The following COQ8B variants were observed in gnomAD, a reference collection of about 807,000 sequenced individuals.
COQ8B encodes the protein coenzyme Q8B.
COQ8B carries 44 observed loss-of-function variants against 62.0 expected under a neutral mutation model. That is an observed-to-expected ratio of 0.71 (90% CI 0.56 to 0.91). The LOEUF (loss-of-function observed/expected upper bound fraction) is 0.91, where lower values mean the gene tolerates loss of function less well. COQ8B is among the 40% of genes least tolerant of loss of function. The pLI, the probability that COQ8B is intolerant of heterozygous loss-of-function variation, is 0.00. For missense variants in COQ8B, 649 were observed against 731.6 expected, an observed-to-expected ratio of 0.89 and a Z score of 1.30; for synonymous variants, 252 against 289.9, an observed-to-expected ratio of 0.87 and a Z score of 1.33.
chr19:40,700,704 T>G, intron 10 of COQ8B: 1 of 486,144 alleles, frequency 2.1e-6, no homozygotes, highest in Non-Finnish European at 3.7e-6. Flanking sequence ...CAGTCACCAC[T>G]TCCCTACCCG....
In COQ8B at chr19:40,710,143, T is replaced by G; in HGVS notation, c.290-7A>C. ...CCCAAGCCCACAGCCAGTCCTGGAGTGCAAGAGAAGAACATGAGTGCCCGT... is the reference window on the plus strand; with the variant it reads ...CCCAAGCCCACAGCCAGTCCTGGAGGGCAAGAGAAGAACATGAGTGCCCGT... On this transcript the variant is annotated splice_polypyrimidine_tract_variant and splice_region_variant and intron_variant, in intron 4 of 14. Coordinates refer to ENST00000324464, the MANE Select transcript of COQ8B (RefSeq NM_024876.4). 2 of 1,613,872 alleles carry G rather than the reference T, an allele frequency of 1.2e-6. No individual in the cohort carries two copies. Among genetic ancestry groups the G allele is most frequent in the Non-Finnish European group, 1.7e-6 (2 of 1,179,836 alleles).
chr19:40,700,094 G>T lies in COQ8B; in HGVS notation c.1116C>A (p.Asn372Lys), dbSNP rs1568438712. 2 of 1,614,268 alleles carry T rather than the reference G, an allele frequency of 1.2e-6. No individual in the cohort carries two copies. Among genetic ancestry groups the T allele is most frequent in the Admixed American group, 1.7e-5 (1 of 60,032 alleles). Residue 372 changes from asparagine to lysine, a missense_variant, in exon 12 of 15, where the codon AAC (asparagine) becomes AAA (lysine). Transcript: ENST00000324464. ...GGTGGCTGGAGGCATCATACAGGAA[G>T]TTGGCCCAGTTGGGGTCAGTCTGCA... is the stretch of plus-strand genomic sequence containing the variant. ...RFMQTDPNWANFLYDASSHQV... is the reference protein window; with the variant it reads ...RFMQTDPNWAKFLYDASSHQV...
In COQ8B at chr19:40,699,074, A is replaced by G. The variant is rs545695210; in HGVS notation, c.1143+993T>C. 1.9e-3 allele frequency among the ~76,000 whole-genome samples: 287 copies of G among 150,914 alleles called. 5 individuals are homozygous for G. Among genetic ancestry groups the G allele is most frequent in the Admixed American group, 0.018 (276 of 15,172 alleles). ...AGGGATCCTCCTGCCTCAGCATCCCAAAGTGCTGGAATTACAGGCATGAGC... is the reference window on the plus strand; with the variant it reads ...AGGGATCCTCCTGCCTCAGCATCCCGAAGTGCTGGAATTACAGGCATGAGC... On this transcript the variant is annotated intron_variant, in intron 12 of 14. Transcript: ENST00000324464.
chr19:40,703,453 G>C lies in COQ8B; in HGVS notation c.799+88C>G. On this transcript the variant is annotated intron_variant, in intron 9 of 14. Transcript: ENST00000324464. ...CTCACAACGCCAGCACACCCTGCCC[G>C]TGCTCTCCTCTGGGCTCCCCCTCCT... 6 of 1,349,372 alleles carry C rather than the reference G, an allele frequency of 4.4e-6. No homozygotes were observed. In the South Asian group the frequency reaches 7.4e-5, roughly 17 times the overall value. 83.6% of individuals were successfully genotyped at this position (1,349,372 alleles called of 1,614,324 possible).
At chr19:40,715,404 T>C (rs922840156) in intron 1 of COQ8B, 2 of 985,556 alleles carry the variant, frequency 2.0e-6, no homozygotes, top group African/African-American at 1.7e-5. Flanking sequence ...CTGACGCCTC[T>C]CTTCTGCACG....
chr19:40,710,731 A>C (rs2082134503), intron 4 of COQ8B, among the ~76,000 whole-genome samples: 1 of 152,106 alleles, frequency 6.6e-6, no homozygotes, highest in Non-Finnish European at 1.5e-5. Context: ...CGGTAAATAT[A>C]ATGCCCAGAC....
intron 13 of COQ8B, 69 bp downstream of exon 13, chr19:40,695,920 A>G (rs2082011255): frequency 6.7e-7 from 1 of 1,488,196 alleles, no homozygotes; most frequent in Admixed American, 1.7e-5. Context: ...TCGCCTTCTT[A>G]CTCCTCTGCC....
At chr19:40,699,677 A>ACTCC (rs2082046656) in intron 12 of COQ8B, among the ~76,000 whole-genome samples, 1 of 151,850 alleles carries the variant, frequency 6.6e-6, no homozygotes, top group Admixed American at 6.6e-5. Context: ...CTAGCCAGGG[A>ACTCC]CTCCATTTTC....
rs374201690 is a variant in COQ8B, at chr19:40,705,082, C to T, written c.576+14G>A. 2 of 1,595,846 alleles carry T rather than the reference C, an allele frequency of 1.3e-6. No homozygotes were observed. The highest frequency in any genetic ancestry group is 2.7e-5 in the African/African-American group (2 of 74,614). ...GCCTGCCTCCCTCACCGCCCTCCCCCACTGGGCACTCACCAGCATCTGCCA... is the reference window on the plus strand; with the variant it reads ...GCCTGCCTCCCTCACCGCCCTCCCCTACTGGGCACTCACCAGCATCTGCCA... On this transcript the variant is annotated intron_variant, in intron 7 of 14. Coordinates refer to ENST00000324464, the MANE Select transcript of COQ8B (RefSeq NM_024876.4).
At position 40,703,849 on chromosome 19, in the gene COQ8B, G is replaced by T. The variant is rs1270207473; in HGVS notation, c.583C>A (p.Leu195Ile). 5.0e-6 allele frequency: 8 copies of T among 1,609,712 alleles called. No homozygotes were observed. The highest frequency in any genetic ancestry group is 2.2e-5 in the East Asian group (1 of 44,744). Residue 195 changes from leucine (L) to isoleucine (I), a missense_variant, in exon 8 of 15, where the codon CTT (leucine) becomes ATT (isoleucine). Physicochemically the swap from Leu to Ile is conservative, Grantham distance 5 (BLOSUM62 2). Transcript: ENST00000324464. ...CAGTCCCTGCCGAGCTCCTCTTCAAGAACTCTCTGCGGGGAGTGGTCACAG... is the reference window on the plus strand; with the variant it reads ...CAGTCCCTGCCGAGCTCCTCTTCAATAACTCTCTGCGGGGAGTGGTCACAG... ...FMPRWQMLRV[L>I]EEELGRDWQA...
At position 40,692,146 on chromosome 19, in the gene COQ8B, G is replaced by T; in HGVS notation, c.1524C>A (p.Cys508Ter). 6.2e-7 allele frequency: 1 copy of T among 1,602,944 alleles called. No homozygotes were observed. Among genetic ancestry groups the T allele is most frequent in the Non-Finnish European group, 8.5e-7 (1 of 1,174,822 alleles). The change falls in exon 15 of 15, where the codon TGC (cysteine) becomes TGA (stop). Residue 508 changes from cysteine (C) to a stop codon, truncating the protein, a stop_gained. Transcript: ENST00000324464. LOFTEE classifies it low-confidence loss of function (END_TRUNC). The stretch of plus-strand genomic sequence containing the variant: ...GGTAGGTGTCCTGGAAGAGGTCCCT[G>T]CAGGCGATGTGGGCTCGGAGGTGGG... ...ACAHLRAHIACRDLFQDTYHR... is the reference protein window; with the variant it reads ...ACAHLRAHIA
chr19:40,711,606 C>T (rs981463062), intron 4 of COQ8B, among the ~76,000 whole-genome samples: 1 of 152,146 alleles, frequency 6.6e-6, no homozygotes, highest in Non-Finnish European at 1.5e-5. Flanking sequence ...TCTCTCTTTT[C>T]CTCCCTTTGA....
chr19:40,707,108 A>T (rs750190997), intron 5 of COQ8B, among the ~76,000 whole-genome samples: 39 of 152,120 alleles, frequency 2.6e-4, no homozygotes, highest in Non-Finnish European at 5.0e-4. Context: ...GTTTCTACAA[A>T]AAATACAAAA....
chr19:40,700,303 A>G lies in COQ8B; in HGVS notation c.1035+7T>C, dbSNP rs2246095. On this transcript the variant is annotated splice_region_variant and intron_variant, in intron 11 of 14. Coordinates refer to ENST00000324464, the MANE Select transcript of COQ8B (RefSeq NM_024876.4). Reference sequence around the variant, plus strand: ...TGCCCTTCCCACTGTGCCACCAGACAGCATACCTGGTTCCGCAGGTCCTGG... The same window carrying G: ...TGCCCTTCCCACTGTGCCACCAGACGGCATACCTGGTTCCGCAGGTCCTGG... The G allele has an allele frequency of 0.54, 870,718 of 1,612,610 alleles. 237,452 individuals carry two copies. Among genetic ancestry groups the G allele is most frequent in the African/African-American group, 0.65 (48,839 of 74,976 alleles).
At chr19:40,702,811 C>T (rs1411528663) in intron 9 of COQ8B, 118 bp from the exon 10 acceptor site, 2 of 879,108 alleles carry the variant, frequency 2.3e-6, no homozygotes, top group Non-Finnish European at 3.6e-6. Flanking sequence ...CTACTCTAGG[C>T]CTGTGACCCA....
intron 4 of COQ8B, among the ~76,000 whole-genome samples, chr19:40,710,938 C>T (rs1273331646): frequency 2.0e-5 from 3 of 152,102 alleles, no homozygotes; most frequent in Admixed American, 2.0e-4. Flanking sequence ...TCGAGACCAG[C>T]CTGGCCAACG....
chr19:40,692,081 G>A lies in COQ8B; in HGVS notation c.1589C>T (p.Ala530Val). 3.1e-6 allele frequency: 5 copies of A among 1,608,564 alleles called. No individual in the cohort carries two copies. Among genetic ancestry groups the A allele is most frequent in the Non-Finnish European group, 4.2e-6 (5 of 1,177,746 alleles). ...WASRQPDAAT[A>V]GSLPTKGDSW... is the part of the protein sequence containing the mutation. ...GTCCCCTTTGGTGGGGAGGCTGCCG[G>A]CAGTGGCTGCGTCTGGCTGGCGACT... Residue 530 changes from alanine (A) to valine (V), a missense_variant, in exon 15 of 15, where the codon GCC (alanine) becomes GTC (valine). By Grantham distance (64) the Ala-to-Val change is moderately conservative. Transcript: ENST00000324464.
In COQ8B at chr19:40,702,537, G is replaced by T. The variant is rs535224864; in HGVS notation, c.893+63C>A. 171 of 1,500,782 alleles carry T rather than the reference G, an allele frequency of 1.1e-4. 1 individual carries two copies. The African/African-American group carries it at 2.2e-3, about 19-fold the overall frequency. The allele number at this position is 1,500,782 out of a possible 1,614,324, so 93.0% of individuals were successfully genotyped here. A position where few individuals can be genotyped will look rare whatever the true frequency, so the allele number is the denominator to read the frequency against. On this transcript the variant is annotated intron_variant, in intron 10 of 14. Coordinates refer to ENST00000324464, the MANE Select transcript of COQ8B (RefSeq NM_024876.4). ...GCTCCAGCTGCCAGAAGCTGAGGGG[G>T]CAGCTACTTCCCACCCAGCCTGGGA...
intron 5 of COQ8B, 55 bp from the exon 6 acceptor site, chr19:40,705,502 G>T: frequency 6.7e-7 from 1 of 1,490,820 alleles, no homozygotes; most frequent in Non-Finnish European, 9.0e-7. Context: ...ACTGCGGCCA[G>T]GCCCGGCGGC....
Sources: gnomAD v4.1 joint callset for allele counts (sites outside exome capture counted in the v4.1 genomes callset) on GRCh38, gnomAD v4.1.1 for gene constraint, MANE v1.5 for transcripts, NCBI Gene and HGNC (gene_info 2026-07-23, HGNC 2026-07-21) for gene names.